The following PEX5L variants were observed in gnomAD, a reference collection of about 807,000 sequenced individuals.
PEX5L encodes the protein PEX5-related protein.
Under a neutral mutation model 84.0 loss-of-function variants are expected in PEX5L, and 30 were observed. That is an observed-to-expected ratio of 0.36 (90% CI 0.27 to 0.48). PEX5L has a LOEUF of 0.48. Ranked by LOEUF, PEX5L falls within the 20% of genes least tolerant of loss-of-function variation. The pLI is 0.99. For missense variants in PEX5L, 533 were observed against 754.6 expected, an observed-to-expected ratio of 0.71 and a Z score of 3.44; for synonymous variants, 270 against 283.1, an observed-to-expected ratio of 0.95 and a Z score of 0.46.
intron 8 of PEX5L, among the ~76,000 whole-genome samples, chr3:179,833,098 A>G (rs540933581): frequency 6.6e-6 from 1 of 152,318 alleles, no homozygotes; most frequent in South Asian, 2.1e-4. Flanking sequence ...ATGAGGATGG[A>G]TTGTGGGCAG....
At chr3:179,840,549 G>A (rs958280728) in intron 8 of PEX5L, among the ~76,000 whole-genome samples, 1 of 152,102 alleles carries the variant, frequency 6.6e-6, no homozygotes, top group South Asian at 2.1e-4. Context: ...GAAGAGACTC[G>A]GAGTGCTGTG....
chr3:179,997,616 C>G (rs914973840), intron 1 of PEX5L, among the ~76,000 whole-genome samples: 1 of 152,196 alleles, frequency 6.6e-6, no homozygotes, highest in Non-Finnish European at 1.5e-5. Context: ...GTGGTAATTC[C>G]CACCACATCC....
intron 1 of PEX5L, among the ~76,000 whole-genome samples, chr3:179,977,154 A>AT (rs936534939): frequency 8.5e-5 from 13 of 152,114 alleles, no homozygotes; most frequent in African/African-American, 2.4e-4. Flanking sequence ...ACAATAATGA[A>AT]TTTTTTTATA....
intron 10 of PEX5L, among the ~76,000 whole-genome samples, chr3:179,814,841 T>C (rs1725421547): frequency 6.6e-6 from 1 of 152,128 alleles, no homozygotes; most frequent in Admixed American, 6.5e-5. Context: ...AATTCTTGCC[T>C]ATCTCTTCTT....
chr3:179,885,481 C>T lies in PEX5L; in HGVS notation c.310+2192G>A, dbSNP rs563852479. ...CTAACACAGTGAAACCCTGTCTCTA[C>T]TAAAGATACAAAAAATCAGCCAGTC... On this transcript the variant is annotated intron_variant, in intron 4 of 14. Transcript: ENST00000467460. 1.2e-4 allele frequency among the ~76,000 whole-genome samples: 18 copies of T among 152,126 alleles called. 1 individual carries two copies. In the South Asian group the frequency reaches 2.3e-3, roughly 19 times the overall value.
intron 1 of PEX5L, among the ~76,000 whole-genome samples, chr3:180,013,662 C>T (rs1789681532): frequency 6.6e-6 from 1 of 152,084 alleles, no homozygotes; most frequent in South Asian, 2.1e-4. Context: ...AGTAGAACGC[C>T]TGGTATATGT....
intron 2 of PEX5L, among the ~76,000 whole-genome samples, chr3:179,948,635 A>C (rs1297256347): frequency 6.6e-6 from 1 of 152,226 alleles, no homozygotes; most frequent in Non-Finnish European, 1.5e-5. Flanking sequence ...AAAATTGTAA[A>C]TGATGCTATC....
At chr3:179,900,072 C>A (rs527869467) in intron 2 of PEX5L, among the ~76,000 whole-genome samples, 1 of 152,150 alleles carries the variant, frequency 6.6e-6, no homozygotes, top group Non-Finnish European at 1.5e-5. Flanking sequence ...AACTTGTTTA[C>A]ATTTTATCAA....
chr3:179,977,493 C>T (rs1006973983), intron 1 of PEX5L, among the ~76,000 whole-genome samples: 9 of 152,234 alleles, frequency 5.9e-5, no homozygotes, highest in African/African-American at 2.2e-4. Context: ...GGTTCCATGT[C>T]CTTTCTTCTT....
At chr3:179,914,254 T>C (rs976890121) in intron 2 of PEX5L, among the ~76,000 whole-genome samples, 52 of 152,182 alleles carry the variant, frequency 3.4e-4, no homozygotes, top group African/African-American at 1.2e-3. Flanking sequence ...TTTCTCTGCT[T>C]TGATGTGCAG....
At chr3:179,832,529 A>C (rs1733482126) in intron 8 of PEX5L, among the ~76,000 whole-genome samples, 2 of 122,092 alleles carry the variant, frequency 1.6e-5, no homozygotes, top group African/African-American at 3.2e-5. Flanking sequence ...CCTACCCACC[A>C]ACCTTCCTAT....
intron 10 of PEX5L, 48 bp from the exon 11 acceptor site, chr3:179,811,919 T>C (rs113704777): frequency 6.9e-7 from 1 of 1,440,096 alleles, no homozygotes; most frequent in Non-Finnish European, 9.8e-7. Context: ...GCAGAATTAC[T>C]CATGTGCTTC....
chr3:179,830,292 C>CT (rs1732341870), intron 8 of PEX5L, among the ~76,000 whole-genome samples: 1 of 147,602 alleles, frequency 6.8e-6, no homozygotes, highest in African/African-American at 2.5e-5. Context: ...CCCGCCCCCC[C>CT]CCTTTTTTTT....
intron 10 of PEX5L, among the ~76,000 whole-genome samples, chr3:179,815,348 G>C (rs749809411): frequency 2.6e-5 from 4 of 152,228 alleles, no homozygotes; most frequent in Non-Finnish European, 4.4e-5. Flanking sequence ...ACTTTGGGAG[G>C]CCAAGGCCGG....
At chr3:180,033,851 T>A (rs1009392084) in intron 1 of PEX5L, among the ~76,000 whole-genome samples, 2 of 152,190 alleles carry the variant, frequency 1.3e-5, no homozygotes, top group African/African-American at 4.8e-5. Flanking sequence ...CTAAGAAATA[T>A]ACCTGCGGCT....
At chr3:180,005,543 A>T (rs1270432290) in intron 1 of PEX5L, among the ~76,000 whole-genome samples, 1 of 152,214 alleles carries the variant, frequency 6.6e-6, no homozygotes, top group Non-Finnish European at 1.5e-5. Flanking sequence ...TCTGGCTAAC[A>T]TGGTGAAACC....
At chr3:179,867,599 T>C (rs1380112213) in intron 7 of PEX5L, among the ~76,000 whole-genome samples, 2 of 152,198 alleles carry the variant, frequency 1.3e-5, no homozygotes, top group Admixed American at 1.3e-4. Flanking sequence ...ATTATTAATA[T>C]TGATAGTGTA....
chr3:179,965,802 C>T (rs185379099), intron 2 of PEX5L, among the ~76,000 whole-genome samples: 1 of 152,214 alleles, frequency 6.6e-6, no homozygotes, highest in African/African-American at 2.4e-5. Context: ...TTATTTTGCC[C>T]TCCAAATTAT....
intron 2 of PEX5L, among the ~76,000 whole-genome samples, chr3:179,928,726 G>C (rs942888972): frequency 6.6e-6 from 1 of 152,172 alleles, no homozygotes. Context: ...CCCTTTTGAT[G>C]TGACAGAGAA....
Sources: gnomAD v4.1 joint callset for allele counts (sites outside exome capture counted in the v4.1 genomes callset) on GRCh38, gnomAD v4.1.1 for gene constraint, MANE v1.5 for transcripts, NCBI Gene and HGNC (gene_info 2026-07-23, HGNC 2026-07-21) for gene names.